Variants in OSBPL10 observed in about 807,000 individuals in gnomAD.
OSBPL10 encodes the protein oxysterol-binding protein-related protein 10.
In OSBPL10, 49 loss-of-function variants were observed where a neutral mutation model predicts 81.7. The ratio of observed to expected loss-of-function variants is 0.60; its 90% confidence interval spans 0.48 to 0.76. OSBPL10 has a LOEUF of 0.76. OSBPL10 is among the 30% of genes least tolerant of loss of function. The probability of loss-of-function intolerance (pLI) is 0.00; values close to 1 mark genes in which losing one functional copy is unlikely to be tolerated. For synonymous variants in OSBPL10, 419 were observed against 383.6 expected, an observed-to-expected ratio of 1.09 and a Z score of -1.08; for missense variants, 923 against 987.8, an observed-to-expected ratio of 0.93 and a Z score of 0.88.
chr3:31,921,897 G>A (rs1401745335), intron 1 of OSBPL10, among the ~76,000 whole-genome samples: 2 of 152,188 alleles, frequency 1.3e-5, no homozygotes, highest in African/African-American at 4.8e-5. Context: ...GATATGATGT[G>A]ATAAAAATGC....
chr3:31,882,906 C>T (rs538346135), intron 1 of OSBPL10, among the ~76,000 whole-genome samples: 164 of 152,300 alleles, frequency 1.1e-3, no homozygotes, highest in Middle Eastern at 6.8e-3. Context: ...ATTTTCAGAT[C>T]CTTCTACTTG....
rs749055456 is a variant in OSBPL10 at position 31,747,942 on chromosome 3, G to A, written c.908C>T (p.Ala303Val). ...TCCTGGCTTCTGGCTGGGCTGGCCC[G>A]CCTGGTGCACACTCTGCTGTAACAA... ...LNLLQQSVHQ[A>V]GQPSQKPGAS... is the part of the protein sequence containing the mutation. The change falls in exon 5 of 12, where the codon GCG becomes GTG. Residue 303 changes from alanine (A) to valine (V), a missense_variant. Physicochemically the swap from Ala to Val is moderately conservative, Grantham distance 64 (BLOSUM62 0). Coordinates refer to ENST00000396556, the MANE Select transcript of OSBPL10 (RefSeq NM_017784.5). The A allele has an allele frequency of 4.5e-5, 72 of 1,613,682 alleles. No homozygotes were observed. The Admixed American group carries it at 5.5e-4, about 12-fold the overall frequency.
intron 5 of OSBPL10, among the ~76,000 whole-genome samples, chr3:31,738,737 A>G (rs931071079): frequency 2.6e-5 from 4 of 152,192 alleles, no homozygotes; most frequent in African/African-American, 7.2e-5. Context: ...AAACCCATGC[A>G]GCCGAGCTCC....
At chr3:31,970,445 G>A (rs1289068456) in intron 1 of OSBPL10, among the ~76,000 whole-genome samples, 1 of 152,212 alleles carries the variant, frequency 6.6e-6, no homozygotes, top group East Asian at 1.9e-4. Flanking sequence ...GAAAAGGTAA[G>A]AAGAGTACAA....
intron 1 of OSBPL10, among the ~76,000 whole-genome samples, chr3:31,898,951 C>CTTTTTTT (rs201574850): frequency 2.3e-5 from 2 of 87,344 alleles, no homozygotes; most frequent in Non-Finnish European, 4.2e-5. Flanking sequence ...AACTTTAAAC[C>CTTTTTTT]TTTTTTTTTT....
chr3:31,927,844 G>A (rs1454417499), intron 1 of OSBPL10, among the ~76,000 whole-genome samples: 1 of 152,188 alleles, frequency 6.6e-6, no homozygotes, highest in Non-Finnish European at 1.5e-5. Context: ...CAGGCACAGA[G>A]TCTGTAGCCC....
chr3:31,853,436 A>G (rs1469090171), intron 3 of OSBPL10, among the ~76,000 whole-genome samples: 1 of 152,180 alleles, frequency 6.6e-6, no homozygotes, highest in African/African-American at 2.4e-5. Context: ...TATGGTAGAG[A>G]AACAGGATCA....
chr3:31,896,135 T>C (rs1295107385), intron 1 of OSBPL10, among the ~76,000 whole-genome samples: 3 of 152,194 alleles, frequency 2.0e-5, no homozygotes, highest in Non-Finnish European at 4.4e-5. Context: ...GAATGAAACA[T>C]TCACCATTGA....
At chr3:31,873,198 A>G (rs1701375632) in intron 3 of OSBPL10, among the ~76,000 whole-genome samples, 1 of 152,188 alleles carries the variant, frequency 6.6e-6, no homozygotes, top group South Asian at 2.1e-4. Flanking sequence ...ATTGTATGCA[A>G]ATTATACTCT....
intron 1 of OSBPL10, among the ~76,000 whole-genome samples, chr3:31,897,966 C>T (rs1191984588): frequency 1.5e-5 from 2 of 134,714 alleles, no homozygotes; most frequent in East Asian, 4.8e-4. Flanking sequence ...CGAGATCATG[C>T]CACTGCACCC....
intron 1 of OSBPL10, among the ~76,000 whole-genome samples, chr3:31,905,888 AAAG>A (rs1447835844): frequency 8.6e-6 from 1 of 116,276 alleles, no homozygotes; most frequent in Non-Finnish European, 1.7e-5. Flanking sequence ...CCATCACCTC[AAAG>A]AAGGAAAAAA....
chr3:32,002,783 G>GTCTAAGATTTTAGAGAAAAAAGGTTT (rs1289221899), intron 2 of OSBPL10, among the ~76,000 whole-genome samples: 1 of 152,288 alleles, frequency 6.6e-6, no homozygotes, highest in Admixed American at 6.5e-5. Context: ...ACTACAGTGT[G>GTCTAAGATTTTAGAGAAAAAAGGTTT]CCCCTTGGGA....
chr3:32,003,224 C>T (rs1182268247), intron 2 of OSBPL10, among the ~76,000 whole-genome samples: 2 of 152,220 alleles, frequency 1.3e-5, no homozygotes, highest in Non-Finnish European at 2.9e-5. Flanking sequence ...ACCAAACTCT[C>T]CTCTGGCTAA....
intron 2 of OSBPL10, chr3:31,989,207 C>A (rs994753215): frequency 6.2e-7 from 1 of 1,614,020 alleles, no homozygotes; most frequent in African/African-American, 1.3e-5. Context: ...TGCCTGGACC[C>A]TACGCAGAGG....
chr3:32,070,755 C>A (rs1345921633), intron 1 of OSBPL10, among the ~76,000 whole-genome samples: 1 of 152,220 alleles, frequency 6.6e-6, no homozygotes, highest in Non-Finnish European at 1.5e-5. Flanking sequence ...CCTATCCACC[C>A]TGTGGTGCCC....
chr3:31,939,589 T>C (rs1317189045), intron 1 of OSBPL10, among the ~76,000 whole-genome samples: 1 of 150,572 alleles, frequency 6.6e-6, no homozygotes. Flanking sequence ...TCCCCACCCC[T>C]CCAGTGAAAC....
chr3:32,047,241 T>C (rs1334755081), intron 1 of OSBPL10, among the ~76,000 whole-genome samples: 1 of 151,960 alleles, frequency 6.6e-6, no homozygotes, highest in Admixed American at 6.6e-5. Context: ...CCTCCCAAAA[T>C]GCTAGGATTA....
At chr3:31,929,450 C>T (rs977477228) in intron 1 of OSBPL10, among the ~76,000 whole-genome samples, 26 of 152,050 alleles carry the variant, frequency 1.7e-4, no homozygotes, top group African/African-American at 6.3e-4. Context: ...ATGATGGTTA[C>T]AAAAAGTAAA....
At chr3:31,698,193 T>C (rs1695786943) in intron 7 of OSBPL10, among the ~76,000 whole-genome samples, 1 of 151,842 alleles carries the variant, frequency 6.6e-6, no homozygotes, top group African/African-American at 2.4e-5. Context: ...CTCACGTCTG[T>C]AATACCAGCA....
Sources: gnomAD v4.1 joint callset for allele counts (sites outside exome capture counted in the v4.1 genomes callset) on GRCh38, gnomAD v4.1.1 for gene constraint, MANE v1.5 for transcripts, NCBI Gene and HGNC (gene_info 2026-07-23, HGNC 2026-07-21) for gene names.